The following ERG variants were observed in gnomAD, a reference collection of about 807,000 sequenced individuals.
The protein encoded by ERG is ETS transcription factor ERG, also known as transcriptional regulator ERG.
In ERG, 9 loss-of-function variants were observed where a neutral mutation model predicts 55.3. The observed-to-expected ratio is 0.16, with a 90% confidence interval of 0.10 to 0.28. The LOEUF is 0.28. Among genes scored for constraint, ERG ranks in the 10% least tolerant of loss-of-function variants. The probability of loss-of-function intolerance (pLI) is 1.00; values close to 1 mark genes in which losing one functional copy is unlikely to be tolerated. For synonymous variants in ERG, 223 were observed against 237.3 expected, an observed-to-expected ratio of 0.94 and a Z score of 0.55; for missense variants, 434 against 631.6, an observed-to-expected ratio of 0.69 and a Z score of 3.35.
chr21:38,570,781 G>C (rs2059952838), intron 2 of ERG, among the ~76,000 whole-genome samples: 2 of 152,164 alleles, frequency 1.3e-5, no homozygotes, highest in Admixed American at 1.3e-4. Context: ...AAAGCTCAGA[G>C]AATTTTCATG....
At chr21:38,631,794 C>T (rs2060358523) in intron 1 of ERG, among the ~76,000 whole-genome samples, 1 of 152,024 alleles carries the variant, frequency 6.6e-6, no homozygotes, top group African/African-American at 2.4e-5. Context: ...GGCATCTCCT[C>T]TCTCCTGCCA....
chr21:38,404,428 C>T (rs1470335434), intron 3 of ERG, among the ~76,000 whole-genome samples: 1 of 152,148 alleles, frequency 6.6e-6, no homozygotes, highest in Non-Finnish European at 1.5e-5. Flanking sequence ...CAGGCCACGT[C>T]GTCACACTCC....
At chr21:38,535,417 T>C (rs1197016653) in intron 2 of ERG, among the ~76,000 whole-genome samples, 1 of 152,220 alleles carries the variant, frequency 6.6e-6, no homozygotes, top group Non-Finnish European at 1.5e-5. Context: ...TTTTATGTTT[T>C]ATGTGTTTGC....
intron 1 of ERG, among the ~76,000 whole-genome samples, chr21:38,634,392 G>A (rs747009702): frequency 5.3e-5 from 8 of 152,134 alleles, no homozygotes; most frequent in Non-Finnish European, 8.8e-5. Flanking sequence ...TGTGCATAAC[G>A]GGAATGGCTA....
upstream of ERG, among the ~76,000 whole-genome samples, chr21:38,500,934 G>C (rs1335656569): frequency 2.6e-5 from 4 of 151,814 alleles, no homozygotes; most frequent in Non-Finnish European, 5.9e-5. Context: ...ATTGATTCCT[G>C]TTGTCTTCAA....
At chr21:38,525,488 C>T (rs772051959) in intron 2 of ERG, among the ~76,000 whole-genome samples, 10 of 152,158 alleles carry the variant, frequency 6.6e-5, no homozygotes, top group Admixed American at 2.6e-4. Context: ...ACCAGAAGCA[C>T]GCGCAAAGCT....
At chr21:38,519,496 A>G (rs1473973383) in intron 2 of ERG, among the ~76,000 whole-genome samples, 2 of 152,234 alleles carry the variant, frequency 1.3e-5, no homozygotes, top group East Asian at 1.9e-4. Context: ...AAAGCTGGAG[A>G]AAAAAACTCC....
intron 1 of ERG, among the ~76,000 whole-genome samples, chr21:38,658,452 T>C (rs1243335157): frequency 6.6e-6 from 1 of 152,240 alleles, no homozygotes; most frequent in Non-Finnish European, 1.5e-5. Context: ...ACTGACTTGC[T>C]ATCGGTTTTT....
At chr21:38,430,361 G>A (rs1411371335) in intron 2 of ERG, among the ~76,000 whole-genome samples, 1 of 152,142 alleles carries the variant, frequency 6.6e-6, no homozygotes, top group African/African-American at 2.4e-5. Context: ...CACTCTGTGG[G>A]TTGTCTGTTT....
chr21:38,430,899 A>T (rs950904653), intron 2 of ERG, among the ~76,000 whole-genome samples: 4 of 152,188 alleles, frequency 2.6e-5, no homozygotes, highest in African/African-American at 9.7e-5. Flanking sequence ...TTTGGTCATA[A>T]CTGTGGTCAC....
At chr21:38,445,365 T>C (rs1171995873) in intron 2 of ERG, 39 bp downstream of exon 2, 1 of 1,527,046 alleles carries the variant, frequency 6.5e-7, no homozygotes, top group African/African-American at 1.4e-5. Context: ...GATAGGAAAA[T>C]GGGAGGTCAG....
At chr21:38,386,449 C>G (rs1287668633) in intron 9 of ERG, among the ~76,000 whole-genome samples, 2 of 152,110 alleles carry the variant, frequency 1.3e-5, no homozygotes, top group African/African-American at 2.4e-5. Context: ...AACAAAATTT[C>G]TCACTGCAAG....
chr21:38,436,167 A>T (rs2058787685), intron 2 of ERG, among the ~76,000 whole-genome samples: 3 of 149,242 alleles, frequency 2.0e-5, no homozygotes, highest in Middle Eastern at 3.4e-3. Context: ...CACCTGGCTA[A>T]TTTTTTTTTT....
chr21:38,459,639 C>A (rs2059022622), intron 1 of ERG, among the ~76,000 whole-genome samples: 1 of 152,126 alleles, frequency 6.6e-6, no homozygotes, highest in Non-Finnish European at 1.5e-5. Flanking sequence ...CTAGAGATAC[C>A]TTTATTCAGA....
intron 5 of ERG, among the ~76,000 whole-genome samples, chr21:38,401,356 A>T (rs1278591671): frequency 3.3e-5 from 5 of 152,224 alleles, no homozygotes; most frequent in Non-Finnish European, 7.3e-5. Flanking sequence ...TAAGAAGGGG[A>T]AGTAACTTCC....
At chr21:38,546,243 C>CA (rs1378163396) in intron 2 of ERG, among the ~76,000 whole-genome samples, 1 of 152,106 alleles carries the variant, frequency 6.6e-6, no homozygotes, top group Non-Finnish European at 1.5e-5. Flanking sequence ...TTTCTATCTT[C>CA]TTTTTTTACT....
At position 38,380,345 on chromosome 21, in the gene ERG, C is replaced by T. The variant is rs1376326341; in HGVS notation, c.*3058G>A. The stretch of plus-strand genomic sequence containing the variant: ...TTAGGAGAAGCAGTGAGCCTTCTAA[C>T]TGCAGCAGTCCTGACAAAGCACTTT... On this transcript the variant is annotated 3_prime_UTR_variant, in exon 10 of 10. Coordinates refer to ENST00000288319, the MANE Select transcript of ERG (RefSeq NM_182918.4). The T allele has an allele frequency of 9.4e-7, 1 of 1,059,222 alleles. No homozygotes were observed. The highest frequency in any genetic ancestry group is 1.1e-6 in the Non-Finnish European group (1 of 875,438). 65.6% of individuals were successfully genotyped at this position (1,059,222 alleles called of 1,614,324 possible). A position where few individuals can be genotyped will look rare whatever the true frequency, so the allele number is the denominator to read the frequency against.
intron 2 of ERG, among the ~76,000 whole-genome samples, chr21:38,574,173 T>C (rs1469245911): frequency 6.6e-6 from 1 of 152,232 alleles, no homozygotes; most frequent in Non-Finnish European, 1.5e-5. Flanking sequence ...TGAGCTTTTC[T>C]TTGCATCATG....
intron 9 of ERG, 83 bp from the exon 10 acceptor site, chr21:38,384,006 T>G: frequency 6.6e-7 from 1 of 1,509,726 alleles, no homozygotes; most frequent in East Asian, 2.3e-5. Context: ...CGGAAGGAGG[T>G]GCTATTGGTG....
Sources: allele counts gnomAD v4.1 joint callset (sites outside exome capture counted in the v4.1 genomes callset), GRCh38; gene constraint gnomAD v4.1.1; transcripts MANE v1.5; gene names NCBI Gene and HGNC (gene_info 2026-07-23, HGNC 2026-07-21).